The following LYN variants were observed in gnomAD, a reference collection of about 807,000 sequenced individuals.
The protein encoded by LYN is LYN proto-oncogene, Src family tyrosine kinase, also known as tyrosine-protein kinase Lyn.
A neutral mutation model predicts 65.0 loss-of-function variants in LYN; 12 were observed. The ratio of observed to expected loss-of-function variants is 0.18; its 90% CI spans 0.12 to 0.30. LYN has a LOEUF of 0.30. Among genes scored for constraint, LYN ranks in the 10% least tolerant of loss-of-function variants. The pLI, the probability that LYN is intolerant of heterozygous loss-of-function variation, is 1.00. For missense variants in LYN, 380 were observed against 623.2 expected, an observed-to-expected ratio of 0.61 and a Z score of 4.16; for synonymous variants, 222 against 221.2, an observed-to-expected ratio of 1.00 and a Z score of -0.03.
At chr8:55,992,994 A>G (rs1808289646) in intron 10 of LYN, among the ~76,000 whole-genome samples, 1 of 152,118 alleles carries the variant, frequency 6.6e-6, no homozygotes, top group South Asian at 2.1e-4. Flanking sequence ...AGCATCATGC[A>G]TTTGCAGTGG....
intron 2 of LYN, among the ~76,000 whole-genome samples, chr8:55,942,383 ATATATATATGTG>A (rs1563521242): frequency 5.7e-4 from 61 of 106,692 alleles, no homozygotes; most frequent in African/African-American, 2.0e-3. Context: ...ATATATGTGT[ATATATATATGTG>A]TATATATGTG....
intron 1 of LYN, among the ~76,000 whole-genome samples, chr8:55,898,849 A>C (rs534454872): frequency 6.6e-6 from 1 of 151,984 alleles, no homozygotes; most frequent in Non-Finnish European, 1.5e-5. Context: ...TTTTTTAAAT[A>C]GACAGTTTCT....
intron 1 of LYN, among the ~76,000 whole-genome samples, chr8:55,884,721 G>A (rs1412598838): frequency 6.6e-6 from 1 of 152,096 alleles, no homozygotes; most frequent in Non-Finnish European, 1.5e-5. Context: ...CAAAATGCTG[G>A]GATTACAGGT....
intron 1 of LYN, among the ~76,000 whole-genome samples, chr8:55,892,301 T>TCC (rs1804982133): frequency 6.6e-6 from 1 of 152,124 alleles, no homozygotes; most frequent in Non-Finnish European, 1.5e-5. Context: ...ACACCTGTAG[T>TCC]CCCAGCTACT....
intron 12 of LYN, among the ~76,000 whole-genome samples, chr8:56,003,457 G>A (rs1046925886): frequency 6.6e-6 from 1 of 152,098 alleles, no homozygotes; most frequent in Non-Finnish European, 1.5e-5. Flanking sequence ...TTGAGGCCAG[G>A]AGTTCGAGAC....
At chr8:55,883,581 C>G (rs1804705626) in intron 1 of LYN, among the ~76,000 whole-genome samples, 1 of 152,180 alleles carries the variant, frequency 6.6e-6, no homozygotes, top group Non-Finnish European at 1.5e-5. Context: ...TACAGAAGTA[C>G]CTGAGTAATA....
At chr8:55,924,870 G>A (rs1806057210) in intron 1 of LYN, among the ~76,000 whole-genome samples, 1 of 152,034 alleles carries the variant, frequency 6.6e-6, no homozygotes, top group Non-Finnish European at 1.5e-5. Context: ...TTGAGATGGA[G>A]TCTCTCTGTT....
intron 1 of LYN, among the ~76,000 whole-genome samples, chr8:55,939,941 G>T (rs1418350812): frequency 6.6e-6 from 1 of 152,180 alleles, no homozygotes; most frequent in Non-Finnish European, 1.5e-5. Flanking sequence ...ACTGCAGCTC[G>T]CTAGTTTCAG....
intron 2 of LYN, among the ~76,000 whole-genome samples, chr8:55,942,583 G>C (rs561666557): frequency 3.2e-4 from 49 of 151,202 alleles, no homozygotes; most frequent in African/African-American, 1.2e-3. Context: ...TCAGGAGCTC[G>C]AGACCAGCCT....
intron 2 of LYN, 143 bp downstream of exon 2, chr8:55,942,134 C>A: frequency 1.2e-6 from 1 of 830,088 alleles, no homozygotes; most frequent in South Asian, 1.7e-5. Context: ...TGCTTTGTAA[C>A]TTTATCCTTT....
intron 12 of LYN, 51 bp from the exon 13 acceptor site, chr8:56,009,857 A>T: frequency 6.7e-7 from 1 of 1,486,752 alleles, no homozygotes; most frequent in Non-Finnish European, 9.4e-7. Flanking sequence ...ACCCTCTGCC[A>T]GGTTTCTAAA....
chr8:55,915,013 A>G (rs1006089114), intron 1 of LYN, among the ~76,000 whole-genome samples: 2 of 152,294 alleles, frequency 1.3e-5, no homozygotes, highest in Non-Finnish European at 2.9e-5. Context: ...GAGAGTACAA[A>G]TGGTTTTGTT....
intron 1 of LYN, among the ~76,000 whole-genome samples, chr8:55,886,608 A>G (rs1055674933): frequency 1.3e-5 from 2 of 152,208 alleles, no homozygotes; most frequent in African/African-American, 4.8e-5. Flanking sequence ...TCAAATACAC[A>G]TATCTGTAGG....
chr8:55,915,631 A>G (rs991957541), intron 1 of LYN, among the ~76,000 whole-genome samples: 1 of 152,178 alleles, frequency 6.6e-6, no homozygotes, highest in Admixed American at 6.5e-5. Context: ...TCTTGAACCC[A>G]GGAGGCGGAG....
chr8:55,931,224 T>C (rs1431405518), intron 1 of LYN, among the ~76,000 whole-genome samples: 2 of 149,036 alleles, frequency 1.3e-5, no homozygotes, highest in Non-Finnish European at 3.0e-5. Context: ...ATGTAATGTA[T>C]CCTATACATA....
Position 55,998,549 on chromosome 8 carries a change from G to T in LYN, c.1204+50G>T, listed in dbSNP as rs544186923. On this transcript the variant is annotated intron_variant, in intron 11 of 12. Transcript: ENST00000519728. ...ATGTTTTATTATTGTGTTTTATTTT[G>T]TTTTTGTCTGTTTTTGACAAAGCAA... The T allele has an allele frequency of 7.1e-6, 11 of 1,546,796 alleles. No individual in the cohort carries two copies. The African/African-American group carries it at 1.5e-4, about 21-fold the overall frequency.
At chr8:55,996,071 A>G (rs1312077777) in intron 10 of LYN, among the ~76,000 whole-genome samples, 1 of 152,234 alleles carries the variant, frequency 6.6e-6, no homozygotes, top group Non-Finnish European at 1.5e-5. Context: ...CAATGTATAC[A>G]AGTGAGAATA....
rs575307652 is a variant in LYN at position 55,905,719 on chromosome 8, T to A, written c.-6+25616T>A. On this transcript the variant is annotated intron_variant, in intron 1 of 12. Coordinates refer to ENST00000519728, the MANE Select transcript of LYN (RefSeq NM_002350.4). ...GATGGGCAGGGGAGCAGGGAGAGCC[T>A]CACTCCTCTCCCATCTGTTGGGAGA... 1.4e-4 allele frequency among the ~76,000 whole-genome samples: 21 copies of A among 152,186 alleles called. No homozygotes were observed. In the South Asian group the frequency reaches 3.1e-3, roughly 23 times the overall value.
intron 10 of LYN, among the ~76,000 whole-genome samples, chr8:55,982,278 A>AG (rs1807947879): frequency 6.6e-6 from 1 of 152,096 alleles, no homozygotes; most frequent in Admixed American, 6.5e-5. Context: ...CAAAATGCTT[A>AG]GGTCCAGAAG....
Sources: gnomAD v4.1 joint callset for allele counts (sites outside exome capture counted in the v4.1 genomes callset) on GRCh38, gnomAD v4.1.1 for gene constraint, MANE v1.5 for transcripts, NCBI Gene and HGNC (gene_info 2026-07-23, HGNC 2026-07-21) for gene names.